ARHGEF37: variants seen among roughly 807,000 people sequenced by gnomAD.
ARHGEF37 encodes the protein Rho guanine nucleotide exchange factor 37.
A neutral mutation model predicts 71.1 loss-of-function variants in ARHGEF37; 55 were observed. That is an observed-to-expected ratio of 0.77 (90% confidence interval 0.62 to 0.97). The LOEUF is 0.97. Among genes scored for constraint, ARHGEF37 ranks in the 50% least tolerant of loss-of-function variants. The probability of loss-of-function intolerance (pLI) is 0.00; values close to 1 mark genes in which losing one functional copy is unlikely to be tolerated. For synonymous variants in ARHGEF37, 327 were observed against 350.6 expected (o/e 0.93, Z 0.75); for missense variants, 765 against 836.8 (o/e 0.91, Z 1.06).
intron 1 of ARHGEF37, among the ~76,000 whole-genome samples, chr5:149,570,603 C>T (rs745938835): frequency 5.3e-4 from 75 of 141,408 alleles, no homozygotes; most frequent in East Asian, 1.5e-3. Flanking sequence ...TTTGGCCAGG[C>T]GCGGTGGCTC....
intron 1 of ARHGEF37, among the ~76,000 whole-genome samples, chr5:149,570,508 G>A (rs1337855187): frequency 7.9e-5 from 12 of 151,092 alleles, no homozygotes; most frequent in African/African-American, 2.9e-4. Flanking sequence ...CCCAGGAGGC[G>A]GAGGTTGCAG....
intron 7 of ARHGEF37, among the ~76,000 whole-genome samples, chr5:149,619,932 G>A (rs1752487076): frequency 6.6e-6 from 1 of 152,036 alleles, no homozygotes; most frequent in South Asian, 2.1e-4. Flanking sequence ...CATTAGCCAG[G>A]CAAGGTGTCA....
intron 1 of ARHGEF37, among the ~76,000 whole-genome samples, chr5:149,557,290 C>G (rs1265864315): frequency 6.6e-6 from 1 of 152,080 alleles, no homozygotes; most frequent in Non-Finnish European, 1.5e-5. Context: ...TCAGATATGA[C>G]CTGTAGGACA....
chr5:149,559,873 G>C (rs1762806810), intron 1 of ARHGEF37, among the ~76,000 whole-genome samples: 1 of 152,126 alleles, frequency 6.6e-6, no homozygotes, highest in Non-Finnish European at 1.5e-5. Flanking sequence ...TTGCAAGTCT[G>C]TTGTTTGCAA....
chr5:149,615,418 A>G (rs1231660289), intron 4 of ARHGEF37, among the ~76,000 whole-genome samples: 1 of 151,842 alleles, frequency 6.6e-6, no homozygotes, highest in African/African-American at 2.4e-5. Flanking sequence ...TTTCAAAACT[A>G]TAGAAAAATA....
chr5:149,577,148 C>T (rs140927716), upstream of ARHGEF37, among the ~76,000 whole-genome samples: 1 of 152,112 alleles, frequency 6.6e-6, no homozygotes, highest in Admixed American at 6.6e-5. Context: ...TCTTGGACAA[C>T]TTACTTAATC....
At chr5:149,610,294 A>G (rs1764039972) in intron 4 of ARHGEF37, among the ~76,000 whole-genome samples, 1 of 152,162 alleles carries the variant, frequency 6.6e-6, no homozygotes, top group South Asian at 2.1e-4. Flanking sequence ...CTCCCTCTCT[A>G]CCGGTGGCTG....
intron 6 of ARHGEF37, 128 bp from the exon 7 acceptor site, chr5:149,618,810 G>A: frequency 1.4e-6 from 1 of 740,118 alleles, no homozygotes; most frequent in Non-Finnish European, 2.4e-6. Context: ...CTCAGCTTTG[G>A]GGTTGCGAGA....
intron 8 of ARHGEF37, 34 bp from the exon 9 acceptor site, chr5:149,621,699 C>T (rs774897808): frequency 6.3e-7 from 1 of 1,578,736 alleles, no homozygotes; most frequent in South Asian, 1.2e-5. Flanking sequence ...TTGCCACCTC[C>T]TTTCCCGACT....
At chr5:149,612,832 A>G (rs892762467) in intron 4 of ARHGEF37, among the ~76,000 whole-genome samples, 12 of 152,226 alleles carry the variant, frequency 7.9e-5, no homozygotes, top group Non-Finnish European at 1.3e-4. Flanking sequence ...TCAGTCTGCT[A>G]TGATAGATGG....
intron 1 of ARHGEF37, among the ~76,000 whole-genome samples, chr5:149,592,672 C>A (rs1763444140): frequency 6.6e-6 from 1 of 152,214 alleles, no homozygotes; most frequent in African/African-American, 2.4e-5. Context: ...CTGAGTTACA[C>A]AGAAAGTGTA....
At chr5:149,597,079 G>A (rs1763566677) in intron 1 of ARHGEF37, among the ~76,000 whole-genome samples, 1 of 152,000 alleles carries the variant, frequency 6.6e-6, no homozygotes, top group Non-Finnish European at 1.5e-5. Context: ...GGGTAGTAAG[G>A]CCTAAATGGG....
chr5:149,553,093 T>G (rs950278767), intron 1 of ARHGEF37, among the ~76,000 whole-genome samples: 4 of 152,038 alleles, frequency 2.6e-5, no homozygotes, highest in Admixed American at 6.6e-5. Context: ...TAAAATCTGC[T>G]GTTAAATTCT....
chr5:149,574,722 C>G (rs1763007168), intron 1 of ARHGEF37, among the ~76,000 whole-genome samples: 1 of 152,196 alleles, frequency 6.6e-6, no homozygotes, highest in African/African-American at 2.4e-5. Flanking sequence ...CAAAATTTGT[C>G]TCATCCATCG....
chr5:149,587,832 G>A (rs1224435230), intron 1 of ARHGEF37, among the ~76,000 whole-genome samples: 1 of 151,764 alleles, frequency 6.6e-6, no homozygotes, highest in Non-Finnish European at 1.5e-5. Context: ...TATAAACCAG[G>A]CTTGGTAGCC....
chr5:149,554,338 A>G (rs534138376), intron 1 of ARHGEF37, among the ~76,000 whole-genome samples: 1 of 152,280 alleles, frequency 6.6e-6, no homozygotes, highest in South Asian at 2.1e-4. Context: ...TCAATAAATG[A>G]ATGAATGAAT....
chr5:149,558,755 G>A (rs1762789491), intron 1 of ARHGEF37, among the ~76,000 whole-genome samples: 1 of 149,642 alleles, frequency 6.7e-6, no homozygotes, highest in African/African-American at 2.5e-5. Context: ...ATTTTTATAT[G>A]TATAAAATAT....
chr5:149,598,545 C>G (rs1763643728), intron 2 of ARHGEF37, among the ~76,000 whole-genome samples: 1 of 150,968 alleles, frequency 6.6e-6, no homozygotes, highest in African/African-American at 2.4e-5. Flanking sequence ...TATTCGATCA[C>G]AAAGTCACTG....
At chr5:149,625,330 G>C (rs530783091) in intron 10 of ARHGEF37, among the ~76,000 whole-genome samples, 1 of 152,230 alleles carries the variant, frequency 6.6e-6, no homozygotes, top group Non-Finnish European at 1.5e-5. Flanking sequence ...GTAGGGAGAA[G>C]GGTCTCCTCA....
Sources: allele counts gnomAD v4.1 joint callset (sites outside exome capture counted in the v4.1 genomes callset), GRCh38; gene constraint gnomAD v4.1.1; transcripts MANE v1.5; gene names NCBI Gene and HGNC (gene_info 2026-07-23, HGNC 2026-07-21).